Variants in GALNT13 observed in about 807,000 individuals in gnomAD.
The protein encoded by GALNT13 is UDP-GalNAc:polypeptide N-acetylgalactosaminyltransferase 13.
In GALNT13, 28 loss-of-function variants were observed where a neutral mutation model predicts 64.2. The observed-to-expected ratio is 0.44, with a 90% confidence interval of 0.32 to 0.60. GALNT13 has a LOEUF of 0.60. Ranked by LOEUF, GALNT13 falls within the 20% of genes least tolerant of loss-of-function variation. The pLI, the probability that GALNT13 is intolerant of heterozygous loss-of-function variation, is 0.05. For synonymous variants in GALNT13, 214 were observed against 224.6 expected (o/e 0.95, Z 0.42); for missense variants, 577 against 669.8 (o/e 0.86, Z 1.53).
intron 3 of GALNT13, among the ~76,000 whole-genome samples, chr2:154,005,026 CA>C (rs1444368671): frequency 6.6e-6 from 1 of 152,114 alleles, no homozygotes; most frequent in Non-Finnish European, 1.5e-5. Flanking sequence ...AGAATTCCAT[CA>C]CTGTGCAGAA....
the GALNT13 span, among the ~76,000 whole-genome samples, chr2:153,313,003 A>C: frequency 1.3e-5 from 2 of 152,194 alleles, no homozygotes; most frequent in Admixed American, 6.5e-5. Context: ...AATTCTCCAC[A>C]CCAATCGGAA....
At chr2:153,137,734 A>G in the GALNT13 span, among the ~76,000 whole-genome samples, 2 of 151,996 alleles carry the variant, frequency 1.3e-5, no homozygotes, top group Non-Finnish European at 2.9e-5. Context: ...AAAAAAAAAA[A>G]AAAAGAGTTT....
chr2:154,023,244 C>G (rs1454380349), intron 3 of GALNT13, among the ~76,000 whole-genome samples: 2 of 152,076 alleles, frequency 1.3e-5, no homozygotes, highest in East Asian at 1.9e-4. Context: ...TCCTGGGTAT[C>G]CTTGTTAACT....
intron 3 of GALNT13, among the ~76,000 whole-genome samples, chr2:154,021,126 A>G (rs537095158): frequency 5.9e-5 from 9 of 152,320 alleles, no homozygotes; most frequent in Middle Eastern, 3.4e-3. Context: ...GTTTGAAGTC[A>G]GGTAGCGTGA....
chr2:153,881,056 C>T (rs1686749021), intron 1 of GALNT13, among the ~76,000 whole-genome samples: 1 of 152,128 alleles, frequency 6.6e-6, no homozygotes, highest in Non-Finnish European at 1.5e-5. Flanking sequence ...ATAGCTCTTG[C>T]ATCTAGGTCA....
At chr2:154,098,106 TGTCAGCAGTTTTAAA>T (rs1702163850) in intron 3 of GALNT13, among the ~76,000 whole-genome samples, 1 of 145,834 alleles carries the variant, frequency 6.9e-6, no homozygotes, top group African/African-American at 2.5e-5. Flanking sequence ...TTTTTTTTTT[TGTCAGCAGTTTTAAA>T]TTTGAATCTT....
intron 3 of GALNT13, among the ~76,000 whole-genome samples, chr2:153,981,009 C>T (rs1474197863): frequency 6.6e-6 from 1 of 151,976 alleles, no homozygotes; most frequent in Non-Finnish European, 1.5e-5. Context: ...TTTAAAATAT[C>T]TTTATTCACG....
the GALNT13 span, among the ~76,000 whole-genome samples, chr2:153,652,334 G>A: frequency 6.6e-6 from 1 of 152,024 alleles, no homozygotes; most frequent in Non-Finnish European, 1.5e-5. Flanking sequence ...AAATTTAGGG[G>A]CAGAGGCTGC....
At chr2:153,808,761 T>C in the GALNT13 span, among the ~76,000 whole-genome samples, 1 of 152,296 alleles carries the variant, frequency 6.6e-6, no homozygotes, top group Admixed American at 6.5e-5. Context: ...CTGCCTTATC[T>C]TTTTTCTTAA....
chr2:153,535,223 T>C, the GALNT13 span, among the ~76,000 whole-genome samples: 4 of 152,126 alleles, frequency 2.6e-5, no homozygotes, highest in East Asian at 7.7e-4. Context: ...TTTGTATGAA[T>C]TGAAAAACCA....
chr2:153,874,690 C>A (rs1686233173), intron 1 of GALNT13, among the ~76,000 whole-genome samples: 2 of 152,120 alleles, frequency 1.3e-5, no homozygotes, highest in Non-Finnish European at 2.9e-5. Flanking sequence ...CTAAATTCCA[C>A]CTCCCCGCTC....
the GALNT13 span, among the ~76,000 whole-genome samples, chr2:153,103,389 C>T: frequency 6.6e-6 from 1 of 152,206 alleles, no homozygotes; most frequent in Non-Finnish European, 1.5e-5. Context: ...AAATGTGATG[C>T]CTCCAGAGAC....
chr2:153,762,360 T>A, the GALNT13 span: 1 of 152,180 alleles, frequency 6.6e-6, no homozygotes, highest in African/African-American at 2.4e-5. Flanking sequence ...CTCTCTGCAT[T>A]CTTCTTCCTC....
the GALNT13 span, among the ~76,000 whole-genome samples, chr2:153,367,020 A>C: frequency 1.3e-5 from 2 of 151,510 alleles, no homozygotes; most frequent in Non-Finnish European, 2.9e-5. Flanking sequence ...AACAAACAAA[A>C]AAAAAACAAG....
chr2:153,906,457 C>T (rs1243467342), intron 2 of GALNT13, among the ~76,000 whole-genome samples: 1 of 146,764 alleles, frequency 6.8e-6, no homozygotes, highest in Admixed American at 7.0e-5. Context: ...CATGTGTTCT[C>T]ATTATTCAAT....
intron 4 of GALNT13, among the ~76,000 whole-genome samples, chr2:154,210,499 A>T (rs142117769): frequency 6.6e-6 from 1 of 152,284 alleles, no homozygotes; most frequent in East Asian, 1.9e-4. Context: ...ACAGTTAAGG[A>T]ACTGAATGAA....
chr2:153,623,506 G>A, the GALNT13 span, among the ~76,000 whole-genome samples: 5 of 152,012 alleles, frequency 3.3e-5, no homozygotes, highest in African/African-American at 1.2e-4. Context: ...TGCTACAAAA[G>A]AAGAAACTGC....
At chr2:154,179,571 T>A (rs1685843878) in intron 4 of GALNT13, among the ~76,000 whole-genome samples, 1 of 152,104 alleles carries the variant, frequency 6.6e-6, no homozygotes, top group African/African-American at 2.4e-5. Flanking sequence ...AGCAGCCTGA[T>A]TTTTGCAGGG....
chr2:154,004,848 C>T (rs1696146179), intron 3 of GALNT13, among the ~76,000 whole-genome samples: 1 of 152,154 alleles, frequency 6.6e-6, no homozygotes, highest in African/African-American at 2.4e-5. Context: ...AACAAATACA[C>T]ATACCAGGTA....
Sources: allele counts gnomAD v4.1 joint callset (sites outside exome capture counted in the v4.1 genomes callset), GRCh38; gene constraint gnomAD v4.1.1; transcripts MANE v1.5; gene names NCBI Gene and HGNC (gene_info 2026-07-23, HGNC 2026-07-21).